Variants in CDH18 observed in about 807,000 individuals in gnomAD.
The protein encoded by CDH18 is cadherin 18.
Under a neutral mutation model 67.9 loss-of-function variants are expected in CDH18, and 31 were observed. The ratio of observed to expected loss-of-function variants is 0.46; its 90% CI spans 0.34 to 0.62. The LOEUF is 0.62. CDH18 is among the 20% of genes least tolerant of loss of function. The probability of loss-of-function intolerance (pLI) is 0.01; values close to 1 mark genes in which losing one functional copy is unlikely to be tolerated. For synonymous variants in CDH18, 362 were observed against 347.2 expected (o/e 1.04, Z -0.48); for missense variants, 890 against 975.5 (o/e 0.91, Z 1.17).
intron 1 of CDH18, among the ~76,000 whole-genome samples, chr5:20,286,847 A>C (rs1025712628): frequency 7.2e-5 from 11 of 151,834 alleles, no homozygotes; most frequent in Non-Finnish European, 1.5e-4. Flanking sequence ...AGAGCTTTGC[A>C]CTGAGCACAG....
intron 2 of CDH18, among the ~76,000 whole-genome samples, chr5:19,951,968 A>G (rs992809921): frequency 6.6e-6 from 1 of 152,164 alleles, no homozygotes. Flanking sequence ...ACAGAAGCCA[A>G]AAAGATAAGT....
intron 3 of CDH18, 56 bp from the exon 4 acceptor site, chr5:19,747,292 T>A (rs1487658461): frequency 1.4e-6 from 2 of 1,437,960 alleles, no homozygotes; most frequent in African/African-American, 1.4e-5. Context: ...CCTCACATTA[T>A]GTTCTCTGAA....
chr5:19,617,975 C>A (rs187303078), intron 5 of CDH18, among the ~76,000 whole-genome samples: 1 of 152,218 alleles, frequency 6.6e-6, no homozygotes, highest in Admixed American at 6.5e-5. Context: ...TGTTTTCTTG[C>A]ATTTTTACCC....
intron 1 of CDH18, among the ~76,000 whole-genome samples, chr5:20,481,144 C>G (rs372906110): frequency 2.9e-4 from 44 of 149,722 alleles, no homozygotes; most frequent in African/African-American, 1.1e-3. Flanking sequence ...GGGCTGAAAA[C>G]AGATATTCCA....
At chr5:20,398,288 A>AT (rs1193832863) in intron 1 of CDH18, among the ~76,000 whole-genome samples, 2 of 152,104 alleles carry the variant, frequency 1.3e-5, no homozygotes, top group Non-Finnish European at 2.9e-5. Context: ...ATAGCCTTTC[A>AT]TTTTTTTCTT....
chr5:19,972,996 T>C (rs893527161), intron 2 of CDH18, among the ~76,000 whole-genome samples: 36 of 151,962 alleles, frequency 2.4e-4, no homozygotes, highest in African/African-American at 8.5e-4. Flanking sequence ...TAATTAATAA[T>C]ATTACAGTTA....
chr5:19,703,337 G>C (rs922746748), intron 5 of CDH18, among the ~76,000 whole-genome samples: 2 of 152,072 alleles, frequency 1.3e-5, no homozygotes, highest in African/African-American at 4.8e-5. Context: ...GAAGCATCAG[G>C]GTAACAATGT....
At chr5:19,537,353 A>T (rs1327618222) in intron 9 of CDH18, among the ~76,000 whole-genome samples, 2 of 151,974 alleles carry the variant, frequency 1.3e-5, no homozygotes, top group Non-Finnish European at 2.9e-5. Flanking sequence ...TTTTATAATA[A>T]ATCTACCTGT....
intron 1 of CDH18, among the ~76,000 whole-genome samples, chr5:20,382,614 C>A (rs1402232919): frequency 6.6e-6 from 1 of 151,982 alleles, no homozygotes; most frequent in East Asian, 1.9e-4. Context: ...ACATCTCTCA[C>A]ATAAAGATGA....
chr5:19,796,667 T>C (rs1205835889), intron 3 of CDH18, among the ~76,000 whole-genome samples: 1 of 151,996 alleles, frequency 6.6e-6, no homozygotes, highest in Non-Finnish European at 1.5e-5. Flanking sequence ...AAAAATGCAA[T>C]AGGCTGTTCT....
chr5:19,678,678 G>A (rs963386232), intron 5 of CDH18, among the ~76,000 whole-genome samples: 2 of 151,580 alleles, frequency 1.3e-5, no homozygotes, highest in African/African-American at 2.4e-5. Context: ...ACACTTCCAT[G>A]CACACAACCT....
intron 9 of CDH18, among the ~76,000 whole-genome samples, chr5:19,521,290 T>G (rs2172523): frequency 0.53 from 79,930 of 151,948 alleles, 21,448 homozygotes; most frequent in African/African-American, 0.62. Context: ...GAAAAATAAA[T>G]AATAATTGAA....
At chr5:20,098,332 A>T (rs1200000325) in intron 2 of CDH18, among the ~76,000 whole-genome samples, 1 of 152,080 alleles carries the variant, frequency 6.6e-6, no homozygotes, top group Non-Finnish European at 1.5e-5. Context: ...TATATATTCT[A>T]AGGTATACAA....
At chr5:20,382,822 T>C (rs897214728) in intron 1 of CDH18, among the ~76,000 whole-genome samples, 2 of 152,182 alleles carry the variant, frequency 1.3e-5, no homozygotes, top group African/African-American at 4.8e-5. Flanking sequence ...GGCTATATTG[T>C]AACTACAGTG....
chr5:19,654,121 A>G (rs542903223), intron 5 of CDH18, among the ~76,000 whole-genome samples: 87 of 152,284 alleles, frequency 5.7e-4, no homozygotes, highest in African/African-American at 2.0e-3. Flanking sequence ...CAGCCTCTGC[A>G]GAAACTTTGA....
intron 2 of CDH18, among the ~76,000 whole-genome samples, chr5:20,219,848 T>G (rs894263079): frequency 7.9e-5 from 12 of 151,902 alleles, no homozygotes; most frequent in Admixed American, 7.2e-4. Context: ...AAGTCACATA[T>G]GAGACACTCT....
intron 5 of CDH18, among the ~76,000 whole-genome samples, chr5:19,704,532 G>GA (rs1211210010): frequency 6.6e-6 from 1 of 152,168 alleles, no homozygotes; most frequent in African/African-American, 2.4e-5. Context: ...ATGGGACGAG[G>GA]AAAAAAATTG....
At chr5:20,565,888 C>T (rs778697406) in intron 1 of CDH18, among the ~76,000 whole-genome samples, 1 of 151,976 alleles carries the variant, frequency 6.6e-6, no homozygotes, top group Non-Finnish European at 1.5e-5. Flanking sequence ...AAATATAGAT[C>T]TCTGGTAGGT....
intron 8 of CDH18, among the ~76,000 whole-genome samples, chr5:19,552,871 AT>A (rs1410211619): frequency 2.0e-5 from 3 of 152,096 alleles, no homozygotes; most frequent in South Asian, 2.1e-4. Context: ...ACTGGCTATA[AT>A]TTTTTATTTC....
Sources: allele counts gnomAD v4.1 joint callset (sites outside exome capture counted in the v4.1 genomes callset), GRCh38; gene constraint gnomAD v4.1.1; transcripts MANE v1.5; gene names NCBI Gene and HGNC (gene_info 2026-07-23, HGNC 2026-07-21).